CDYL: variants seen among roughly 807,000 people sequenced by gnomAD.
CDYL encodes the protein chromodomain Y like.
In CDYL, 8 loss-of-function variants were observed where a neutral mutation model predicts 47.3. That is an observed-to-expected ratio of 0.17 (90% CI 0.10 to 0.31). The LOEUF (loss-of-function observed/expected upper bound fraction) is 0.31, where lower values mean the gene tolerates loss of function less well. CDYL is among the 10% of genes least tolerant of loss of function. The pLI, the probability that CDYL is intolerant of heterozygous loss-of-function variation, is 1.00. For missense variants in CDYL, 471 were observed against 701.4 expected (o/e 0.67, Z 3.71); for synonymous variants, 266 against 265.0 (o/e 1.00, Z -0.04).
chr6:4,831,782 A>G (rs144446439), intron 1 of CDYL, among the ~76,000 whole-genome samples: 15,093 of 152,040 alleles, frequency 0.099, 2,491 homozygotes, highest in African/African-American at 0.35. Flanking sequence ...CCTTGAAGAG[A>G]CCCTTCACGT....
chr6:4,954,067 G>T lies in CDYL; in HGVS notation c.*11G>T, dbSNP rs372767590. ...ATCGATGAGTTCTGAGTGTCGGGCT[G>T]CCCACTGGTGACACCGGGATCGGGC... On this transcript the variant is annotated 3_prime_UTR_variant, in exon 7 of 7. Coordinates refer to ENST00000397588, the MANE Select transcript of CDYL (RefSeq NM_004824.4). The T allele has an allele frequency of 3.1e-6, 5 of 1,610,238 alleles. No individual in the cohort carries two copies. The highest frequency in any genetic ancestry group is 3.4e-6 in the Non-Finnish European group (4 of 1,177,484).
intron 2 of CDYL, among the ~76,000 whole-genome samples, chr6:4,895,489 A>G (rs7768568): frequency 0.022 from 49 of 2,276 alleles, 20 homozygotes; most frequent in Non-Finnish European, 0.1. Context: ...ATGTATATAT[A>G]CATGTATACA....
At chr6:4,710,983 T>C (rs1296700282) in intron 1 of CDYL, among the ~76,000 whole-genome samples, 1 of 152,018 alleles carries the variant, frequency 6.6e-6, no homozygotes, top group Non-Finnish European at 1.5e-5. Context: ...GTTAATTTGC[T>C]TGACTGTAGT....
At chr6:4,749,061 A>G (rs1301497468) in intron 3 of CDYL, among the ~76,000 whole-genome samples, 1 of 152,236 alleles carries the variant, frequency 6.6e-6, no homozygotes, top group African/African-American at 2.4e-5. Context: ...GTGTATTTCT[A>G]GAATAGTGTT....
At chr6:4,930,542 A>T (rs1758002954) in intron 2 of CDYL, among the ~76,000 whole-genome samples, 1 of 152,194 alleles carries the variant, frequency 6.6e-6, no homozygotes, top group African/African-American at 2.4e-5. Flanking sequence ...TGCCCTGCAC[A>T]GCCTGTGGTC....
At chr6:4,745,213 G>C (rs1757867843) in intron 3 of CDYL, among the ~76,000 whole-genome samples, 1 of 152,144 alleles carries the variant, frequency 6.6e-6, no homozygotes, top group South Asian at 2.1e-4. Flanking sequence ...TCCAGGCTCA[G>C]CCTCCCAAAG....
chr6:4,816,244 G>A (rs1322977548), intron 1 of CDYL, among the ~76,000 whole-genome samples: 1 of 148,740 alleles, frequency 6.7e-6, no homozygotes, highest in Non-Finnish European at 1.5e-5. Context: ...CAAATCTCTC[G>A]CGTCCCTGTT....
chr6:4,834,871 C>G (rs1402389930), intron 1 of CDYL, among the ~76,000 whole-genome samples: 1 of 152,116 alleles, frequency 6.6e-6, no homozygotes, highest in African/African-American at 2.4e-5. Context: ...CACATCGGCT[C>G]CTGAGGCTTC....
intron 2 of CDYL, among the ~76,000 whole-genome samples, chr6:4,900,801 A>AGATATAGATATATATCTATATC (rs1561697572): frequency 5.2e-5 from 4 of 76,578 alleles, no homozygotes; most frequent in African/African-American, 2.2e-4. Context: ...ATATATATAT[A>AGATATAGATATATATCTATATC]TATATATATA....
intron 2 of CDYL, among the ~76,000 whole-genome samples, chr6:4,922,063 T>C (rs1300807900): frequency 6.6e-6 from 1 of 152,164 alleles, no homozygotes; most frequent in African/African-American, 2.4e-5. Context: ...TGCAGCCTCA[T>C]GGGCCTGAAT....
chr6:4,896,988 G>A (rs1419462349), intron 2 of CDYL, among the ~76,000 whole-genome samples: 1 of 152,122 alleles, frequency 6.6e-6, no homozygotes, highest in Non-Finnish European at 1.5e-5. Context: ...TGACGCAAAG[G>A]CTTAAATGAA....
At chr6:4,717,318 G>A (rs372786705) in intron 2 of CDYL, among the ~76,000 whole-genome samples, 1 of 152,168 alleles carries the variant, frequency 6.6e-6, no homozygotes, top group African/African-American at 2.4e-5. Context: ...TGGTGCAGCT[G>A]GGGCTTTTAA....
At chr6:4,777,030 G>GC (rs200325395) in intron 1 of CDYL, among the ~76,000 whole-genome samples, 2 of 148,964 alleles carry the variant, frequency 1.3e-5, no homozygotes, top group African/African-American at 4.9e-5. Flanking sequence ...GGGTGGGGGG[G>GC]GGGGTCCCAG....
rs370908862 is a variant in CDYL, at chr6:4,890,354, G to A, written c.25-1359G>A. 5.3e-4 allele frequency among the ~76,000 whole-genome samples: 80 copies of A among 152,342 alleles called. 1 individual carries two copies. In the South Asian group the frequency reaches 0.016, roughly 30 times the overall value. The stretch of plus-strand genomic sequence containing the variant: ...CGCTTTCAAGAGCTTTCCCTGCTAT[G>A]ATACGGACCGCGTGGACTCGCCCTT... On this transcript the variant is annotated intron_variant, in intron 1 of 6. Coordinates refer to ENST00000397588, the MANE Select transcript of CDYL (RefSeq NM_004824.4).
intron 1 of CDYL, among the ~76,000 whole-genome samples, chr6:4,835,401 C>T (rs1191937992): frequency 6.6e-6 from 1 of 152,182 alleles, no homozygotes; most frequent in Non-Finnish European, 1.5e-5. Flanking sequence ...TCATGAACCA[C>T]GAATGCTGCT....
intron 1 of CDYL, among the ~76,000 whole-genome samples, chr6:4,838,185 G>A (rs1760380248): frequency 6.6e-6 from 1 of 151,806 alleles, no homozygotes; most frequent in East Asian, 1.9e-4. Flanking sequence ...AGGTCTTTTG[G>A]GAACAGGTGG....
chr6:4,889,661 C>T (rs1761987455), intron 1 of CDYL, among the ~76,000 whole-genome samples: 1 of 152,126 alleles, frequency 6.6e-6, no homozygotes, highest in Non-Finnish European at 1.5e-5. Flanking sequence ...TCATTCATTA[C>T]ATATTGTGTC....
intron 1 of CDYL, among the ~76,000 whole-genome samples, chr6:4,875,260 C>T (rs1761588507): frequency 6.6e-6 from 1 of 152,120 alleles, no homozygotes; most frequent in Non-Finnish European, 1.5e-5. Context: ...AAGAACTTTG[C>T]TCTTCTCTGA....
intron 1 of CDYL, among the ~76,000 whole-genome samples, chr6:4,882,615 G>A (rs1396634680): frequency 1.3e-5 from 2 of 152,212 alleles, no homozygotes; most frequent in African/African-American, 4.8e-5. Context: ...TAAGGCAGAA[G>A]GCTAACAGCT....
Sources: allele counts gnomAD v4.1 joint callset (sites outside exome capture counted in the v4.1 genomes callset), GRCh38; gene constraint gnomAD v4.1.1; transcripts MANE v1.5; gene names NCBI Gene and HGNC (gene_info 2026-07-23, HGNC 2026-07-21).